The following PADI4 variants were observed in gnomAD, a reference collection of about 807,000 sequenced individuals.
The protein encoded by PADI4 is peptidyl arginine deiminase 4.
In PADI4, 62 loss-of-function variants were observed where a neutral mutation model predicts 75.0. The ratio of observed to expected loss-of-function variants is 0.83; its 90% CI spans 0.67 to 1.02. PADI4 has a LOEUF of 1.02. Among genes scored for constraint, PADI4 ranks in the 50% least tolerant of loss-of-function variants. PADI4 has a pLI of 0.00. For synonymous variants in PADI4, 361 were observed against 348.1 expected, an observed-to-expected ratio of 1.04 and a Z score of -0.41; for missense variants, 845 against 850.5, an observed-to-expected ratio of 0.99 and a Z score of 0.08.
chr1:17,331,251 T>C, intron 2 of PADI4, 102 bp downstream of exon 2: 1 of 1,006,954 alleles, frequency 9.9e-7, no homozygotes, highest in Non-Finnish European at 1.5e-6. Context: ...TGGCAGAGCC[T>C]CTTGCCCTGT....
At chr1:17,354,450 G>A (rs1418524458) in intron 10 of PADI4, 83 bp from the exon 11 acceptor site, 4 of 1,226,948 alleles carry the variant, frequency 3.3e-6, no homozygotes, top group Non-Finnish European at 4.8e-6. Flanking sequence ...CTGTGCCCAA[G>A]TTCATCTCTA....
At position 17,342,301 on chromosome 1, in the gene PADI4, G is replaced by A. The variant is rs1353462033; in HGVS notation, c.834G>A (p.Glu278=). The A allele has an allele frequency of 2.5e-6, 4 of 1,609,290 alleles. No homozygotes were observed. Among genetic ancestry groups the A allele is most frequent in the Non-Finnish European group, 3.4e-6 (4 of 1,175,828 alleles). The stretch of plus-strand genomic sequence containing the variant: ...TCCCCTTACCCCCTCCCCTGCAGGA[G>A]CTCCCCGAGGCTGTGGTGTTCCAAG... ...TISLLDTSNL[E]LPEAVVFQDS... is the part of the protein sequence containing the mutation. The change falls in exon 8 of 16, where the codon GAG becomes GAA. Residue 278 remains glutamate, a splice_region_variant and synonymous_variant. Transcript: ENST00000375448.
At chr1:17,345,939 C>T in intron 8 of PADI4, 89 bp from the exon 9 acceptor site, 1 of 813,564 alleles carries the variant, frequency 1.2e-6, no homozygotes, top group Non-Finnish European at 2.1e-6. Flanking sequence ...CACAGGTGAC[C>T]CCTGAGCCAC....
chr1:17,336,079 G>T, intron 3 of PADI4, 80 bp from the exon 4 acceptor site: 2 of 923,694 alleles, frequency 2.2e-6, no homozygotes, highest in South Asian at 1.3e-5. Context: ...CTGGGGAAAC[G>T]ACCTGCCCAT....
At chr1:17,322,022 T>A (rs1219139422) in intron 1 of PADI4, among the ~76,000 whole-genome samples, 1 of 152,240 alleles carries the variant, frequency 6.6e-6, no homozygotes, top group Non-Finnish European at 1.5e-5. Flanking sequence ...TAGTCACTTA[T>A]GCATTCATCT....
chr1:17,310,107 G>C (rs2073793328), intron 1 of PADI4, among the ~76,000 whole-genome samples: 1 of 152,180 alleles, frequency 6.6e-6, no homozygotes, highest in Non-Finnish European at 1.5e-5. Context: ...CGTTGAGCCT[G>C]TCACTCTATC....
At chr1:17,336,986 T>A (rs2074325103) in intron 4 of PADI4, among the ~76,000 whole-genome samples, 3 of 152,246 alleles carry the variant, frequency 2.0e-5, no homozygotes, top group Admixed American at 1.3e-4. Flanking sequence ...TGCTTTAATC[T>A]CTAGGCAGAT....
intron 1 of PADI4, among the ~76,000 whole-genome samples, chr1:17,330,748 C>T (rs2074195523): frequency 6.6e-6 from 1 of 152,190 alleles, no homozygotes; most frequent in South Asian, 2.1e-4. Context: ...GGTGCCCACC[C>T]ATACTGAGGG....
intron 15 of PADI4, among the ~76,000 whole-genome samples, chr1:17,362,909 C>T (rs2074866246): frequency 6.6e-6 from 1 of 152,124 alleles, no homozygotes; most frequent in African/African-American, 2.4e-5. Flanking sequence ...TCACTGAAAC[C>T]TCCACTTCCT....
chr1:17,356,113 GCACC>G lies in PADI4; in HGVS notation c.1443_1446del (p.Pro482ThrfsTer44). 6.2e-7 allele frequency: 1 copy of G among 1,614,192 alleles called. No individual in the cohort carries two copies. The highest frequency in any genetic ancestry group is 1.1e-5 in the South Asian group (1 of 91,078). On this transcript the variant is annotated frameshift_variant, in exon 12 of 16. Transcript: ENST00000375448. LOFTEE classifies it high-confidence loss of function. This position sits in a 1 kb window ranked among gnomAD's most constrained non-coding sequence, Gnocchi z 4.1. ...GGACGAGTTCCTGAGCTTTGTGCCA[GCACC>G]CGACAGGAAGGTACAGTCTTGGGGG...
intron 1 of PADI4, among the ~76,000 whole-genome samples, chr1:17,313,225 C>A (rs1228100734): frequency 1.3e-5 from 2 of 151,534 alleles, no homozygotes; most frequent in South Asian, 2.1e-4. Flanking sequence ...TGGGGCCAGG[C>A]GTGGTAGCTC....
rs1316995940 is a variant in PADI4, at chr1:17,346,318, G to A, written c.1047+179G>A. On this transcript the variant is annotated intron_variant, in intron 9 of 15. Coordinates refer to ENST00000375448, the MANE Select transcript of PADI4 (RefSeq NM_012387.3). The surrounding 1 kb of genome is among the most constrained non-coding windows in gnomAD (Gnocchi z 4.3). ...GGCTCAAGCAAGTGATTCATCTGAC[G>A]TTTGCTGTGGGCCACTGCAGGCCCA... 3.3e-5 allele frequency among the ~76,000 whole-genome samples: 5 copies of A among 152,280 alleles called. No homozygotes were observed. The highest frequency in any genetic ancestry group is 1.9e-4 in the East Asian group (1 of 5,162).
chr1:17,336,895 G>A (rs1176474127), intron 4 of PADI4, among the ~76,000 whole-genome samples: 1 of 152,178 alleles, frequency 6.6e-6, no homozygotes, highest in Non-Finnish European at 1.5e-5. Flanking sequence ...CCGAAATGCA[G>A]TCATTTCCCA....
At position 17,334,025 on chromosome 1, in the gene PADI4, G is replaced by A. The variant is rs1015053633; in HGVS notation, c.340+16G>A. The A allele has an allele frequency of 1.4e-5, 22 of 1,561,734 alleles. No individual in the cohort carries two copies. Among genetic ancestry groups the A allele is most frequent in the Non-Finnish European group, 1.9e-5 (22 of 1,132,066 alleles). ...ACCGGGGTGGGTAAGTGACAACCAG[G>A]ATCCTAGAGTGCCGTCTCATCCCCT... On this transcript the variant is annotated intron_variant, in intron 3 of 15. Coordinates refer to ENST00000375448, the MANE Select transcript of PADI4 (RefSeq NM_012387.3).
intron 15 of PADI4, 115 bp downstream of exon 15, chr1:17,359,523 T>C (rs1173040329): frequency 1.4e-6 from 2 of 1,421,606 alleles, no homozygotes; most frequent in Admixed American, 1.9e-5. Context: ...TGTAACCGTT[T>C]GTAGCTTTGT....
chr1:17,352,014 G>GAAA (rs2074650690), intron 10 of PADI4, among the ~76,000 whole-genome samples: 3 of 12,564 alleles, frequency 2.4e-4, no homozygotes, highest in Admixed American at 1.9e-3. Flanking sequence ...GATGGGAGGA[G>GAAA]AGGCGGCCAG....
chr1:17,356,191 G>T lies in PADI4; in HGVS notation c.1455+64G>T. On this transcript the variant is annotated intron_variant, in intron 12 of 15. Transcript: ENST00000375448. The surrounding 1 kb of genome is among the most constrained non-coding windows in gnomAD (Gnocchi z 4.1). ...TTCCTGGGTAGACCCTCTGCCTGGG[G>T]TGGGAGCAACTTTACTTGTCTATTT... The T allele has an allele frequency of 6.4e-7, 1 of 1,553,116 alleles. No individual in the cohort carries two copies. The highest frequency in any genetic ancestry group is 8.8e-7 in the Non-Finnish European group (1 of 1,135,004).
In PADI4 at chr1:17,324,146, G is replaced by GTTTT. The variant is rs71575827; in HGVS notation, c.93-6818_93-6815dup. Among the ~76,000 whole-genome samples, 39 of 113,894 alleles carry GTTTT rather than the reference G, an allele frequency of 3.4e-4. 4 individuals are homozygous for GTTTT. Among genetic ancestry groups the GTTTT allele is most frequent in the Middle Eastern group, 4.7e-3 (1 of 212 alleles). The allele number at this position is 113,894 out of a possible 152,430, so 74.7% of individuals were successfully genotyped here. A position where few individuals can be genotyped will look rare whatever the true frequency, so the allele number is the denominator to read the frequency against. ...GGGCTGGCTAATAACACCAAGTTGGGTTTTTTTTGTTTTTTTTTTTTTGCA... is the reference window on the plus strand; with the variant it reads ...GGGCTGGCTAATAACACCAAGTTGGGTTTTTTTTTTTTGTTTTTTTTTTTTTGCA... On this transcript the variant is annotated intron_variant, in intron 1 of 15. Transcript: ENST00000375448.
chr1:17,352,031 GATGGGAGGAGAGGCA>G (rs1243619342), intron 10 of PADI4, among the ~76,000 whole-genome samples: 9 of 14,966 alleles, frequency 6.0e-4, no homozygotes, highest in Admixed American at 2.4e-3. Flanking sequence ...CCAGGGAGGT[GATGGGAGGAGAGGCA>G]GTCAGGGAGG....
Sources: gnomAD v4.1 joint callset for allele counts (sites outside exome capture counted in the v4.1 genomes callset) on GRCh38, gnomAD v4.1.1 for gene constraint, Gnocchi (gnomAD v3.1) non-coding constraint, MANE v1.5 for transcripts, NCBI Gene and HGNC (gene_info 2026-07-23, HGNC 2026-07-21) for gene names.